The following NFIX variants were observed in gnomAD, a reference collection of about 807,000 sequenced individuals.
NFIX encodes the protein nuclear factor I X, also known as nuclear factor 1 X-type.
In NFIX, 2 loss-of-function variants were observed where a neutral mutation model predicts 53.3. That is an observed-to-expected ratio of 0.04 (90% CI 0.02 to 0.12). The LOEUF (loss-of-function observed/expected upper bound fraction) is 0.12, where lower values mean the gene tolerates loss of function less well. NFIX is among the 10% of genes least tolerant of loss of function. NFIX has a pLI of 1.00. For missense variants in NFIX, 310 were observed against 674.5 expected, an observed-to-expected ratio of 0.46 and a Z score of 5.99; for synonymous variants, 244 against 289.0, an observed-to-expected ratio of 0.84 and a Z score of 1.58.
chr19:13,077,086 C>T (rs953382620), intron 6 of NFIX, among the ~76,000 whole-genome samples: 1 of 152,112 alleles, frequency 6.6e-6, no homozygotes, highest in Non-Finnish European at 1.5e-5. Flanking sequence ...CATCCTGGGT[C>T]CCTGGCCGGG....
chr19:13,057,260 T>C (rs2015759624), intron 2 of NFIX, among the ~76,000 whole-genome samples: 1 of 152,206 alleles, frequency 6.6e-6, no homozygotes, highest in Non-Finnish European at 1.5e-5. Flanking sequence ...TTCTGACGGC[T>C]GTGCCTGTGC....
chr19:13,029,198 T>C (rs955313607), intron 2 of NFIX, among the ~76,000 whole-genome samples: 2 of 152,168 alleles, frequency 1.3e-5, no homozygotes, highest in East Asian at 1.9e-4. Context: ...TGCCCACCCA[T>C]GCTGAGTTAT....
At position 13,088,107 on chromosome 19, in the gene NFIX, A is replaced by C; in HGVS notation, c.1373A>C (p.Asp458Ala). Reference protein sequence around the residue: ...PDSKSTSTAPDGAALTPPSPS... With the variant: ...PDSKSTSTAPAGAALTPPSPS... ...TCCAAATCCACCAGCACTGCCCCAG[A>C]CGGCGCCGCCTTGACTCCTCCATCA... The change falls in exon 9 of 11, where the codon GAC (aspartate) becomes GCC (alanine). Residue 458 changes from aspartate (D) to alanine (A), a missense_variant. Physicochemically the swap from Asp to Ala is moderately radical, Grantham distance 126 (BLOSUM62 -2). Around this residue, in one of 5 missense-constraint regions of NFIX, gnomAD observed 44 missense variants for 73.4 expected, o/e 0.60. Transcript: ENST00000592199. This position sits in a 1 kb window ranked among gnomAD's most constrained non-coding sequence, Gnocchi z 5.9. 3 of 1,536,464 alleles carry C rather than the reference A, an allele frequency of 2.0e-6. No homozygotes were observed. Among genetic ancestry groups the C allele is most frequent in the Non-Finnish European group, 1.7e-6 (2 of 1,146,960 alleles).
In NFIX at chr19:13,028,991, C is replaced by T. The variant is rs1292944053; in HGVS notation, c.559+3439C>T. 6.6e-6 allele frequency among the ~76,000 whole-genome samples: 1 copy of T among 152,172 alleles called. No homozygotes were observed. The highest frequency in any genetic ancestry group is 2.4e-5 in the African/African-American group (1 of 41,432). On this transcript the variant is annotated intron_variant, in intron 2 of 10. Transcript: ENST00000592199. The surrounding 1 kb of genome is among the most constrained non-coding windows in gnomAD (Gnocchi z 4.2). ...ATACTTGAGCGAATGGAACTGTCAGCGTCACCCTGTCAGATCCCTCCTGTG... is the reference window on the plus strand; with the variant it reads ...ATACTTGAGCGAATGGAACTGTCAGTGTCACCCTGTCAGATCCCTCCTGTG...
At chr19:13,033,287 T>C (rs572894457) in intron 2 of NFIX, among the ~76,000 whole-genome samples, 2 of 152,158 alleles carry the variant, frequency 1.3e-5, no homozygotes, top group Non-Finnish European at 2.9e-5. Context: ...GGACTGGACC[T>C]TACCCCCCAG....
Position 13,013,313 on chromosome 19 carries a change from C to T in NFIX, c.28-11708C>T, listed in dbSNP as rs1463323117. Among the ~76,000 whole-genome samples the T allele has an allele frequency of 3.9e-5, 6 of 152,158 alleles. No homozygotes were observed. Among genetic ancestry groups the T allele is most frequent in the Non-Finnish European group, 8.8e-5 (6 of 68,012 alleles). On this transcript the variant is annotated intron_variant, in intron 1 of 10. Transcript: ENST00000592199. This position sits in a 1 kb window ranked among gnomAD's most constrained non-coding sequence, Gnocchi z 5.9. ...AGGAAGCTGGCGTCGGGCTGAAGTC[C>T]CCCGAGCCACCCCTGGAGCCAGAGC...
In NFIX at chr19:13,041,361, CA is replaced by C. The variant is rs555765071; in HGVS notation, c.559+15810del. On this transcript the variant is annotated intron_variant, in intron 2 of 10. Coordinates refer to ENST00000592199, the MANE Select transcript of NFIX (RefSeq NM_001365902.3). ...TAAAAATACAAAATTAGCATGAAGT[CA>C]GGGGGTGGAAATTAAAATTATACAA... Among the ~76,000 whole-genome samples the C allele has an allele frequency of 5.9e-5, 9 of 152,268 alleles. No homozygotes were observed. In the East Asian group the frequency reaches 1.7e-3, roughly 29 times the overall value.
intron 8 of NFIX, among the ~76,000 whole-genome samples, chr19:13,085,413 C>A (rs772313272): frequency 6.6e-6 from 1 of 152,180 alleles, no homozygotes; most frequent in Non-Finnish European, 1.5e-5. Context: ...GTGTCCCAGT[C>A]CCCTGGGAGC....
At chr19:13,075,482 C>T (rs931644357) in intron 5 of NFIX, 53 bp from the exon 6 acceptor site, 37 of 1,599,026 alleles carry the variant, frequency 2.3e-5, no homozygotes, top group Non-Finnish European at 3.1e-5. Flanking sequence ...CTTGGTCACT[C>T]CCTGGAGCCT....
rs2014512671 is a variant in NFIX at position 13,040,102 on chromosome 19, T to C, written c.559+14550T>C. On this transcript the variant is annotated intron_variant, in intron 2 of 10. Transcript: ENST00000592199. This position sits in a 1 kb window ranked among gnomAD's most constrained non-coding sequence, Gnocchi z 4.2. ...GTTAATGGGTTCAAAGAGACTTGGT[T>C]TTTCAAAATACTTGTTTTTATTTTA... 6.6e-6 allele frequency among the ~76,000 whole-genome samples: 1 copy of C among 152,000 alleles called. No individual in the cohort carries two copies. Among genetic ancestry groups the C allele is most frequent in the Admixed American group, 6.6e-5 (1 of 15,264 alleles).
intron 8 of NFIX, among the ~76,000 whole-genome samples, chr19:13,085,260 A>T (rs2017708284): frequency 6.6e-6 from 1 of 152,040 alleles, no homozygotes; most frequent in Admixed American, 6.6e-5. Context: ...GAATGTTGTA[A>T]ATCAGCAGGT....
Position 13,072,849 on chromosome 19 carries a change from A to G in NFIX, c.560-198A>G, listed in dbSNP as rs1424284793. On this transcript the variant is annotated intron_variant, in intron 2 of 10. Transcript: ENST00000592199. This position sits in a 1 kb window ranked among gnomAD's most constrained non-coding sequence, Gnocchi z 4.0. ...GCAGTGCTGAGGCTGAGAAACCTGC[A>G]CTGGGCCTGTCTTTCCTTCTCTGCT... Among the ~76,000 whole-genome samples the G allele has an allele frequency of 6.6e-6, 1 of 152,070 alleles. No individual in the cohort carries two copies. Among genetic ancestry groups the G allele is most frequent in the African/African-American group, 2.4e-5 (1 of 41,406 alleles).
Position 13,049,251 on chromosome 19 carries a change from C to A in NFIX, c.559+23699C>A, listed in dbSNP as rs1193072270. Among the ~76,000 whole-genome samples the A allele has an allele frequency of 2.0e-5, 3 of 151,588 alleles. No individual in the cohort carries two copies. The highest frequency in any genetic ancestry group is 7.3e-5 in the African/African-American group (3 of 41,232). On this transcript the variant is annotated intron_variant, in intron 2 of 10. Transcript: ENST00000592199. The surrounding 1 kb of genome is among the most constrained non-coding windows in gnomAD (Gnocchi z 4.5). ...CTGGGCAGGCAACAGAGTAAGACTGCCTCTAAAAAAAATAAAAAATAAAAA... is the reference window on the plus strand; with the variant it reads ...CTGGGCAGGCAACAGAGTAAGACTGACTCTAAAAAAAATAAAAAATAAAAA...
intron 1 of NFIX, among the ~76,000 whole-genome samples, chr19:12,997,271 G>C (rs1311489632): frequency 6.6e-6 from 1 of 152,234 alleles, no homozygotes; most frequent in Non-Finnish European, 1.5e-5. Flanking sequence ...GCACAGGTGA[G>C]AGTGTATGCA....
intron 8 of NFIX, among the ~76,000 whole-genome samples, chr19:13,085,434 G>A (rs1294460995): frequency 1.3e-5 from 2 of 152,206 alleles, no homozygotes; most frequent in Non-Finnish European, 2.9e-5. Flanking sequence ...CTGAGCTCGG[G>A]ACACCTGGAG....
rs1049245153 is a variant in NFIX at position 13,036,591 on chromosome 19, C to T, written c.559+11039C>T. Among the ~76,000 whole-genome samples the T allele has an allele frequency of 2.6e-5, 4 of 152,062 alleles. No homozygotes were observed. The highest frequency in any genetic ancestry group is 4.4e-5 in the Non-Finnish European group (3 of 68,008). Reference sequence around the variant, plus strand: ...CGGAGGCGACCTGCAGGAGGCCAGCCGAGTGCAGCCCTTGGGGAGTGTGTC... The same window carrying T: ...CGGAGGCGACCTGCAGGAGGCCAGCTGAGTGCAGCCCTTGGGGAGTGTGTC... On this transcript the variant is annotated intron_variant, in intron 2 of 10. Coordinates refer to ENST00000592199, the MANE Select transcript of NFIX (RefSeq NM_001365902.3). This position sits in a 1 kb window ranked among gnomAD's most constrained non-coding sequence, Gnocchi z 4.7.
In NFIX at chr19:13,024,653, G is replaced by T. The variant is rs1042748505; in HGVS notation, c.28-368G>T. On this transcript the variant is annotated intron_variant, in intron 1 of 10. Coordinates refer to ENST00000592199, the MANE Select transcript of NFIX (RefSeq NM_001365902.3). ...TAGAACATGGAGATGTCATGGGCGC[G>T]ACAGAGCCTGGCGGGGATACCAGCA... 2.0e-5 allele frequency: 30 copies of T among 1,536,336 alleles called. No homozygotes were observed. Among genetic ancestry groups the T allele is most frequent in the African/African-American group, 2.7e-5 (2 of 73,044 alleles).
chr19:13,008,137 G>C (rs1334237477), intron 1 of NFIX, among the ~76,000 whole-genome samples: 1 of 152,212 alleles, frequency 6.6e-6, no homozygotes, highest in East Asian at 1.9e-4. Flanking sequence ...GATTCTTCCA[G>C]CTGGTGGGGT....
rs2015295496 is a variant in NFIX, at chr19:13,051,004, G to A, written c.560-22043G>A. Among the ~76,000 whole-genome samples, 2 of 152,192 alleles carry A rather than the reference G, an allele frequency of 1.3e-5. No individual in the cohort carries two copies. Among genetic ancestry groups the A allele is most frequent in the South Asian group, 4.1e-4 (2 of 4,826 alleles). On this transcript the variant is annotated intron_variant, in intron 2 of 10. Coordinates refer to ENST00000592199, the MANE Select transcript of NFIX (RefSeq NM_001365902.3). The surrounding 1 kb of genome is among the most constrained non-coding windows in gnomAD (Gnocchi z 5.1). ...AGGCAGGCCCCAAAGCAGCCTCCAGGTCCCGGGAGAAAAGCATAGTTGCTA... is the reference window on the plus strand; with the variant it reads ...AGGCAGGCCCCAAAGCAGCCTCCAGATCCCGGGAGAAAAGCATAGTTGCTA...
Sources: allele counts gnomAD v4.1 joint callset (sites outside exome capture counted in the v4.1 genomes callset), GRCh38; gene constraint gnomAD v4.1.1; regional missense constraint gnomAD v4.1.1; non-coding constraint Gnocchi (gnomAD v3.1); transcripts MANE v1.5; gene names NCBI Gene and HGNC (gene_info 2026-07-23, HGNC 2026-07-21).